MIB2: variants seen among roughly 807,000 people sequenced by gnomAD.
The protein encoded by MIB2 is MIB E3 ubiquitin protein ligase 2.
MIB2 carries 78 observed loss-of-function variants against 96.6 expected under a neutral mutation model. The observed-to-expected ratio is 0.81, with a 90% confidence interval of 0.67 to 0.97. MIB2 has a LOEUF of 0.97. Ranked by LOEUF, MIB2 falls within the 50% of genes least tolerant of loss-of-function variation. MIB2 has a pLI of 0.00. For missense variants in MIB2, 1,543 were observed against 1,424.0 expected, an observed-to-expected ratio of 1.08 and a Z score of -1.35; for synonymous variants, 820 against 629.5, an observed-to-expected ratio of 1.30 and a Z score of -4.53.
chr1:1,615,244 C>T, upstream of MIB2: 1 of 947,594 alleles, frequency 1.1e-6, no homozygotes, highest in South Asian at 2.0e-5. Flanking sequence ...GTGGCTGCGG[C>T]GCGGCAAGTG....
Position 1,629,490 on chromosome 1 carries a change from C to T in MIB2, c.2487C>T (p.Ala829=). 2 of 1,533,918 alleles carry T rather than the reference C, an allele frequency of 1.3e-6. No individual in the cohort carries two copies. The highest frequency in any genetic ancestry group is 1.7e-6 in the Non-Finnish European group (2 of 1,145,548). ...LHVGAAPGPE[A]AECLVCSELA... ...TGGGCGCCGCGCCGGGGCCCGAGGC[C>T]GCTGAGTGCCTGGTGTGCTCCGAGC... is the stretch of plus-strand genomic sequence containing the variant. The change falls in exon 18 of 20, where the codon GCC becomes GCT. Residue 829 remains alanine, a synonymous_variant. Transcript: ENST00000355826.
chr1:1,621,895 G>A (rs1056906868), intron 2 of MIB2, among the ~76,000 whole-genome samples: 1 of 152,240 alleles, frequency 6.6e-6, no homozygotes, highest in Non-Finnish European at 1.5e-5. Flanking sequence ...GGCCTTGCTC[G>A]GGGGACAACC....
Position 1,626,878 on chromosome 1 carries a change from C to A in MIB2, c.1119C>A (p.Asp373Glu), listed in dbSNP as rs182596783. ...GGAAGGTGGTGAAAGTGTTTGGAGA[C>A]GGGAACCTGCGTGTAGCAGTCGCTG... ...RVGKVVKVFG[D>E]GNLRVAVAGQ... Residue 373 changes from aspartate (D) to glutamate (E), a missense_variant, in exon 10 of 20, where the codon GAC (aspartate) becomes GAA (glutamate). Asp to Glu is a conservative substitution (Grantham distance 45, BLOSUM62 2). Coordinates refer to ENST00000355826, the MANE Select transcript of MIB2 (RefSeq NM_001170687.4). This position sits in a 1 kb window ranked among gnomAD's most constrained non-coding sequence, Gnocchi z 5.3. 7.5e-6 allele frequency: 12 copies of A among 1,605,330 alleles called. No homozygotes were observed. The African/African-American group carries it at 1.5e-4, about 20-fold the overall frequency.
chr1:1,615,445 G>A, upstream of MIB2: 1 of 1,505,364 alleles, frequency 6.6e-7, no homozygotes, highest in Non-Finnish European at 8.8e-7. Context: ...CCATCCCCGT[G>A]GCGGGGGCGT....
In MIB2 at chr1:1,630,379, A is replaced by G; in HGVS notation, c.2717A>G (p.Glu906Gly). 6.5e-7 allele frequency: 1 copy of G among 1,535,078 alleles called. No individual in the cohort carries two copies. Among genetic ancestry groups the G allele is most frequent in the Non-Finnish European group, 8.8e-7 (1 of 1,142,110 alleles). ...EELQSRYRQM[E>G]ERITCPICID... ...CTGCAGAGCCGCTACCGGCAGATGG[A>G]GGAACGCATCACCTGCCCCATCTGC... Residue 906 changes from glutamate (E) to glycine (G), a missense_variant, in exon 20 of 20, where the codon GAG becomes GGG. Glu to Gly is a moderately conservative substitution (Grantham distance 98). Coordinates refer to ENST00000355826, the MANE Select transcript of MIB2 (RefSeq NM_001170687.4).
rs529485587 is a variant in MIB2, at chr1:1,630,278, C to T, written c.2630-14C>T. 54 of 1,396,928 alleles carry T rather than the reference C, an allele frequency of 3.9e-5. 1 individual carries two copies. The African/African-American group carries it at 7.9e-4, about 20-fold the overall frequency. The allele number at this position is 1,396,928 out of a possible 1,614,324, so 86.5% of individuals were successfully genotyped here. On this transcript the variant is annotated splice_polypyrimidine_tract_variant and intron_variant, in intron 19 of 19. Coordinates refer to ENST00000355826, the MANE Select transcript of MIB2 (RefSeq NM_001170687.4). Reference sequence around the variant, plus strand: ...ACCCGGCCTCCCAGCTCACACCCGTCCCCCACCCCGCAGACGGCTCTGAGG... The same window carrying T: ...ACCCGGCCTCCCAGCTCACACCCGTTCCCCACCCCGCAGACGGCTCTGAGG...
chr1:1,621,075 C>T (rs890982430), intron 2 of MIB2, among the ~76,000 whole-genome samples: 5 of 152,240 alleles, frequency 3.3e-5, no homozygotes, highest in Non-Finnish European at 7.4e-5. Flanking sequence ...GGCACAGATT[C>T]TCTCTGGTTC....
chr1:1,630,572 C>G lies in MIB2; in HGVS notation c.*42C>G, dbSNP rs778376027. On this transcript the variant is annotated 3_prime_UTR_variant, in exon 20 of 20. Transcript: ENST00000355826. The stretch of plus-strand genomic sequence containing the variant: ...CGCCCGAGCTGCCTTCGCGTGCCCC[C>G]GCCCTGTGTTTTATAAAAAGAAAGA... 5 of 1,415,988 alleles carry G rather than the reference C, an allele frequency of 3.5e-6. No individual in the cohort carries two copies. In the East Asian group the frequency reaches 1.3e-4, roughly 36 times the overall value. The allele number at this position is 1,415,988 out of a possible 1,614,324, so 87.7% of individuals were successfully genotyped here.
intron 2 of MIB2, among the ~76,000 whole-genome samples, chr1:1,621,961 T>A (rs995650294): frequency 6.6e-6 from 1 of 152,224 alleles, no homozygotes; most frequent in Admixed American, 6.5e-5. Flanking sequence ...CTGTGGCCCC[T>A]CCTCACTGCT....
In MIB2 at chr1:1,629,736, C is replaced by T. The variant is rs867723767; in HGVS notation, c.2629+32C>T. On this transcript the variant is annotated intron_variant, in intron 19 of 19. Coordinates refer to ENST00000355826, the MANE Select transcript of MIB2 (RefSeq NM_001170687.4). The stretch of plus-strand genomic sequence containing the variant: ...GAGGCTCTGCGCCCCCAACACGCCT[C>T]CTGCTCAGCTGGTGGCCCGCGGGTC... 6 of 1,549,414 alleles carry T rather than the reference C, an allele frequency of 3.9e-6. No homozygotes were observed. The East Asian group carries it at 1.2e-4, about 30-fold the overall frequency.
intron 4 of MIB2, chr1:1,624,299 C>G (rs1383836835): frequency 1.0e-5 from 4 of 395,134 alleles, no homozygotes; most frequent in Non-Finnish European, 1.8e-5. Context: ...CAAGGACAGC[C>G]AGAGGTGCCA....
intron 2 of MIB2, 142 bp from the exon 3 acceptor site, chr1:1,623,289 G>T: frequency 7.2e-7 from 1 of 1,391,290 alleles, no homozygotes; most frequent in South Asian, 1.5e-5. Context: ...CCTAGGGCTT[G>T]AACCAGCCTG....
intron 4 of MIB2, among the ~76,000 whole-genome samples, chr1:1,624,517 G>A (rs1644555671): frequency 6.6e-6 from 1 of 152,220 alleles, no homozygotes; most frequent in Non-Finnish European, 1.5e-5. Context: ...TGCCGAGGGT[G>A]GGCCCGGGTG....
At chr1:1,614,463 C>T (rs1643424240), upstream of MIB2, 1 of 152,260 alleles carries the variant, frequency 6.6e-6, no homozygotes, top group African/African-American at 2.4e-5. Context: ...GTTTTTGTTA[C>T]AAAACAACTT....
Position 1,623,605 on chromosome 1 carries a change from A to G in MIB2, c.153A>G (p.Thr51=), listed in dbSNP as rs373600591. The part of the protein sequence containing the change: ...RHGSPSTPDR[T]VVVQWDQGTR... The stretch of plus-strand genomic sequence containing the variant: ...GCAGCCCCTCGACACCCGACCGCAC[A>G]GTGGTCGTGCAGTGGGACCAGGGCA... The change falls in exon 3 of 20, where the codon ACA becomes ACG. Residue 51 remains threonine, a synonymous_variant. Transcript: ENST00000355826. The G allele has an allele frequency of 1.0e-5, 15 of 1,501,846 alleles. No individual in the cohort carries two copies. The highest frequency in any genetic ancestry group is 1.4e-5 in the African/African-American group (1 of 71,882). 93.0% of individuals were successfully genotyped at this position (1,501,846 alleles called of 1,614,324 possible).
At chr1:1,617,720 GT>G (rs1643883336) in intron 2 of MIB2, 1 of 152,186 alleles carries the variant, frequency 6.6e-6, no homozygotes, top group Non-Finnish European at 1.5e-5. Context: ...TCTGAGGTAA[GT>G]TCCGATTTGC....
Position 1,629,453 on chromosome 1 carries a change from C to G in MIB2, c.2450C>G (p.Thr817Arg). The G allele has an allele frequency of 6.5e-7, 1 of 1,530,570 alleles. No individual in the cohort carries two copies. The highest frequency in any genetic ancestry group is 1.2e-5 in the South Asian group (1 of 83,560). The allele number at this position is 1,530,570 out of a possible 1,614,324, so 94.8% of individuals were successfully genotyped here. A position where few individuals can be genotyped will look rare whatever the true frequency, so the allele number is the denominator to read the frequency against. ...RQTLGTPNTV[T>R]NLHVGAAPGP... ...ACGCTCGGGACCCCCAACACCGTGA[C>G]GAACCTGCACGTGGGCGCCGCGCCG... is the stretch of plus-strand genomic sequence containing the variant. The change falls in exon 18 of 20, where the codon ACG (threonine) becomes AGG (arginine). Residue 817 changes from threonine (T) to arginine (R), a missense_variant. Coordinates refer to ENST00000355826, the MANE Select transcript of MIB2 (RefSeq NM_001170687.4).
intron 1 of MIB2, chr1:1,615,834 C>G (rs1643575468): frequency 1.0e-5 from 13 of 1,251,820 alleles, no homozygotes; most frequent in South Asian, 2.5e-5. Flanking sequence ...AGTTGTGGTC[C>G]GGCCACCCGC....
In MIB2 at chr1:1,628,573, C is replaced by CCGCTACTGGTGGACGCTGGGTGCAG; in HGVS notation, c.2054_2078dup (p.Val694AlafsTer35). Reference sequence around the variant, plus strand: ...GCAACAGGCCCACGTGGGGCTGGTGCCGCTACTGGTGGACGCTGGGTGCAG... The same window carrying CCGCTACTGGTGGACGCTGGGTGCAG: ...GCAACAGGCCCACGTGGGGCTGGTGCCGCTACTGGTGGACGCTGGGTGCAGCGCTACTGGTGGACGCTGGGTGCAG... On this transcript the variant is annotated frameshift_variant, in exon 16 of 20. Coordinates refer to ENST00000355826, the MANE Select transcript of MIB2 (RefSeq NM_001170687.4). LOFTEE classifies it high-confidence loss of function. 1 of 1,600,366 alleles carries CCGCTACTGGTGGACGCTGGGTGCAG rather than the reference C, an allele frequency of 6.2e-7. No individual in the cohort carries two copies. The highest frequency in any genetic ancestry group is 1.7e-5 in the Admixed American group (1 of 59,426).
Sources: allele counts gnomAD v4.1 joint callset (sites outside exome capture counted in the v4.1 genomes callset), GRCh38; gene constraint gnomAD v4.1.1; non-coding constraint Gnocchi (gnomAD v3.1); transcripts MANE v1.5; gene names NCBI Gene and HGNC (gene_info 2026-07-23, HGNC 2026-07-21).